The following ATXN10 variants were observed in gnomAD, a reference collection of about 807,000 sequenced individuals.
The protein encoded by ATXN10 is ataxin 10.
A neutral mutation model predicts 52.9 loss-of-function variants in ATXN10; 28 were observed. That is an observed-to-expected ratio of 0.53 (90% CI 0.39 to 0.73). The LOEUF (loss-of-function observed/expected upper bound fraction) is 0.73. Among genes scored for constraint, ATXN10 ranks in the 30% least tolerant of loss-of-function variants. The pLI is 0.00. For missense variants in ATXN10, 565 were observed against 577.0 expected (o/e 0.98, Z 0.21); for synonymous variants, 226 against 221.5 (o/e 1.02, Z -0.18).
intron 1 of ATXN10, among the ~76,000 whole-genome samples, chr22:45,680,629 AT>A (rs759841680): frequency 0.041 from 5,971 of 144,580 alleles, 120 homozygotes; most frequent in Non-Finnish European, 0.043. Context: ...CTAATTAAAA[AT>A]TTTTTTTTTT....
chr22:45,687,704 G>A (rs893071404), intron 1 of ATXN10, among the ~76,000 whole-genome samples: 1 of 152,142 alleles, frequency 6.6e-6, no homozygotes, highest in Non-Finnish European at 1.5e-5. Context: ...TAAACTCCTG[G>A]TTATTTTCTT....
In ATXN10 at chr22:45,702,833, T is replaced by C. The variant is rs1171617177; in HGVS notation, c.633T>C (p.Pro211=). The C allele has an allele frequency of 6.2e-7, 1 of 1,613,856 alleles. No individual in the cohort carries two copies. Among genetic ancestry groups the C allele is most frequent in the Admixed American group, 1.7e-5 (1 of 60,032 alleles). ...IDVIDAYQKH[P]ESEWPFLIIT... is the part of the protein sequence containing the mutation. ...TCATAGATGCTTACCAAAAACATCC[T>C]GAATCAGAATGGCCGTAAGTATCTT... Residue 211 remains proline (P), a synonymous_variant, in exon 5 of 12, where the codon CCT becomes CCC. Coordinates refer to ENST00000252934, the MANE Select transcript of ATXN10 (RefSeq NM_013236.4).
intron 9 of ATXN10, among the ~76,000 whole-genome samples, chr22:45,756,084 A>G (rs980624752): frequency 2.0e-5 from 3 of 152,184 alleles, no homozygotes; most frequent in African/African-American, 7.2e-5. Flanking sequence ...GCATGCCATT[A>G]GCCAGAGTTT....
At chr22:45,794,342 T>C (rs960791429) in intron 9 of ATXN10, among the ~76,000 whole-genome samples, 1 of 152,186 alleles carries the variant, frequency 6.6e-6, no homozygotes, top group African/African-American at 2.4e-5. Context: ...CTCAGAAATA[T>C]CTATTTCATC....
chr22:45,699,877 C>G (rs1257161578), intron 3 of ATXN10, among the ~76,000 whole-genome samples: 1 of 144,036 alleles, frequency 6.9e-6, no homozygotes, highest in Non-Finnish European at 1.5e-5. Context: ...GACAGAGTCT[C>G]ACTCTGTCTC....
At chr22:45,742,668 C>T (rs769934700) in intron 9 of ATXN10, among the ~76,000 whole-genome samples, 20 of 152,082 alleles carry the variant, frequency 1.3e-4, no homozygotes, top group African/African-American at 9.7e-5. Flanking sequence ...ATAAAACGGC[C>T]GCTTTAGGAT....
intron 6 of ATXN10, among the ~76,000 whole-genome samples, chr22:45,723,499 T>TA (rs1422810324): frequency 9.9e-5 from 15 of 152,146 alleles, no homozygotes; most frequent in African/African-American, 3.6e-4. Context: ...TTATACCTGA[T>TA]ATGTAGTTTT....
intron 9 of ATXN10, among the ~76,000 whole-genome samples, chr22:45,797,192 T>C (rs1927772442): frequency 6.6e-6 from 1 of 152,190 alleles, no homozygotes; most frequent in Non-Finnish European, 1.5e-5. Flanking sequence ...AGGAGGAATA[T>C]GGAAAACTGG....
chr22:45,806,218 G>A (rs753406772), intron 9 of ATXN10, among the ~76,000 whole-genome samples: 13 of 152,184 alleles, frequency 8.5e-5, no homozygotes, highest in Non-Finnish European at 1.3e-4. Flanking sequence ...CTTACCAATA[G>A]CATTTGTTGT....
At chr22:45,675,904 A>G (rs1340040213) in intron 1 of ATXN10, 1 of 152,172 alleles carries the variant, frequency 6.6e-6, no homozygotes, top group Non-Finnish European at 1.5e-5. Flanking sequence ...CAGTATTGAG[A>G]TATTCCTCAG....
At chr22:45,694,442 A>AGCCTG (rs1032856424) in intron 3 of ATXN10, among the ~76,000 whole-genome samples, 1 of 152,146 alleles carries the variant, frequency 6.6e-6, no homozygotes, top group Non-Finnish European at 1.5e-5. Context: ...GCTTGAGCTC[A>AGCCTG]GGTGTTTGAG....
intron 5 of ATXN10, among the ~76,000 whole-genome samples, chr22:45,713,234 G>A (rs1019878346): frequency 3.9e-5 from 6 of 152,126 alleles, no homozygotes; most frequent in Non-Finnish European, 8.8e-5. Flanking sequence ...GTATTGTAAT[G>A]CAGATGCTGA....
intron 1 of ATXN10, among the ~76,000 whole-genome samples, chr22:45,686,863 G>T (rs914785226): frequency 6.6e-6 from 1 of 151,650 alleles, no homozygotes; most frequent in Non-Finnish European, 1.5e-5. Context: ...CCAGGCAGAG[G>T]ATTGGGAGAT....
chr22:45,832,374 C>T (rs780278478), intron 10 of ATXN10, among the ~76,000 whole-genome samples: 2 of 152,212 alleles, frequency 1.3e-5, no homozygotes, highest in African/African-American at 2.4e-5. Context: ...CATCTGCACC[C>T]TCCTCCTCAG....
At position 45,728,458 on chromosome 22, in the gene ATXN10, G is replaced by A. The variant is rs1456240668; in HGVS notation, c.729-967G>A. 6.6e-6 allele frequency among the ~76,000 whole-genome samples: 1 copy of A among 152,070 alleles called. No homozygotes were observed. The highest frequency in any genetic ancestry group is 2.4e-5 in the African/African-American group (1 of 41,402). On this transcript the variant is annotated intron_variant, in intron 6 of 11. Coordinates refer to ENST00000252934, the MANE Select transcript of ATXN10 (RefSeq NM_013236.4). The surrounding 1 kb of genome is among the most constrained non-coding windows in gnomAD (Gnocchi z 4.3). ...GACTGATGATATTTCCCATCATTTG[G>A]CCACAGTACAGGAAGCGTTTGCTAT...
At chr22:45,743,958 C>A (rs761053440) in intron 9 of ATXN10, among the ~76,000 whole-genome samples, 9 of 152,104 alleles carry the variant, frequency 5.9e-5, no homozygotes, top group Non-Finnish European at 1.2e-4. Context: ...TTAAAATAGA[C>A]TTCCTGCAGG....
At chr22:45,742,634 C>T (rs1226218489) in intron 9 of ATXN10, among the ~76,000 whole-genome samples, 1 of 151,724 alleles carries the variant, frequency 6.6e-6, no homozygotes, top group Non-Finnish European at 1.5e-5. Flanking sequence ...GTCTGAAAAA[C>T]AAAAGCGGGG....
chr22:45,745,954 C>G (rs1307252471), intron 9 of ATXN10, among the ~76,000 whole-genome samples: 2 of 151,830 alleles, frequency 1.3e-5, no homozygotes, highest in Non-Finnish European at 2.9e-5. Context: ...AATTAATGTT[C>G]CTTTAAATTC....
intron 1 of ATXN10, chr22:45,673,199 C>T (rs1415395277): frequency 6.6e-6 from 1 of 152,224 alleles, no homozygotes; most frequent in Non-Finnish European, 1.5e-5. Context: ...AGCTATTGTG[C>T]TAGGTGATGG....
Sources: gnomAD v4.1 joint callset for allele counts (sites outside exome capture counted in the v4.1 genomes callset) on GRCh38, gnomAD v4.1.1 for gene constraint, Gnocchi (gnomAD v3.1) non-coding constraint, MANE v1.5 for transcripts, NCBI Gene and HGNC (gene_info 2026-07-23, HGNC 2026-07-21) for gene names.